MBP: variants seen among roughly 807,000 people sequenced by gnomAD.
MBP encodes Golli-MBP.
In MBP, 16 loss-of-function variants were observed where a neutral mutation model predicts 35.8. The ratio of observed to expected loss-of-function variants is 0.45; its 90% CI spans 0.30 to 0.68. The LOEUF (loss-of-function observed/expected upper bound fraction) is 0.68, where lower values mean the gene tolerates loss of function less well. Ranked by LOEUF, MBP falls within the 30% of genes least tolerant of loss-of-function variation. The probability of loss-of-function intolerance (pLI) is 0.08; values close to 1 mark genes in which losing one functional copy is unlikely to be tolerated. For synonymous variants in MBP, 143 were observed against 159.6 expected (o/e 0.90, Z 0.78); for missense variants, 380 against 404.7 (o/e 0.94, Z 0.52).
Position 76,988,595 on chromosome 18 carries a change from G to A in MBP, c.718-68C>T. On this transcript the variant is annotated intron_variant, in intron 6 of 8. Coordinates refer to ENST00000355994, the MANE Select transcript of MBP (RefSeq NM_001025101.2). This position sits in a 1 kb window ranked among gnomAD's most constrained non-coding sequence, Gnocchi z 5.2. The stretch of plus-strand genomic sequence containing the variant: ...AAGGGAAAGTCCTTTCAATCAACAG[G>A]AAACACAGTCAAAGCACAGTGGAGC... The A allele has an allele frequency of 6.4e-7, 1 of 1,569,926 alleles. No individual in the cohort carries two copies. The highest frequency in any genetic ancestry group is 8.6e-7 in the Non-Finnish European group (1 of 1,159,286).
intron 2 of MBP, among the ~76,000 whole-genome samples, chr18:77,073,782 G>T (rs1184632967): frequency 6.6e-6 from 1 of 152,210 alleles, no homozygotes; most frequent in Non-Finnish European, 1.5e-5. Flanking sequence ...TGTAAGAGGT[G>T]ACCTGCTGAA....
At position 77,066,299 on chromosome 18, in the gene MBP, G is replaced by C; in HGVS notation, c.138C>G (p.Phe46Leu). ...GTTGCCGATATCTGCGTCACCTACC[G>C]AACACTTCGTTGTCCTCTGAGGTTG... ...SRTTSEDNEV[F>L]GEADANQNNG... The change falls in exon 3 of 9, where the codon TTC (phenylalanine) becomes TTG (leucine). Residue 46 changes from phenylalanine (F) to leucine (L), a missense_variant and splice_region_variant. By Grantham distance (22) the Phe-to-Leu change is conservative. Transcript: ENST00000355994. 6.2e-7 allele frequency: 1 copy of C among 1,613,128 alleles called. No individual in the cohort carries two copies. Among genetic ancestry groups the C allele is most frequent in the South Asian group, 1.1e-5 (1 of 90,988 alleles).
At chr18:77,111,982 C>G (rs1345842060) in intron 1 of MBP, among the ~76,000 whole-genome samples, 1 of 152,158 alleles carries the variant, frequency 6.6e-6, no homozygotes, top group Non-Finnish European at 1.5e-5. Flanking sequence ...CTTTCTCTCT[C>G]CCCCGACGTC....
At chr18:77,104,505 C>T (rs1254183980) in intron 2 of MBP, among the ~76,000 whole-genome samples, 3 of 152,144 alleles carry the variant, frequency 2.0e-5, no homozygotes, top group Non-Finnish European at 2.9e-5. Context: ...CTCTGGGATT[C>T]AGTGTGAGTT....
At chr18:77,015,011 C>T in intron 4 of MBP, 1 of 984,486 alleles carries the variant, frequency 1.0e-6, no homozygotes, top group Non-Finnish European at 1.2e-6. Context: ...AAGAGATGGA[C>T]TATTTCTGAG....
chr18:77,106,535 A>G (rs908302676), intron 1 of MBP, among the ~76,000 whole-genome samples: 1 of 151,964 alleles, frequency 6.6e-6, no homozygotes, highest in African/African-American at 2.4e-5. Flanking sequence ...AACCCCACCC[A>G]CCTTCAGGGT....
intron 7 of MBP, chr18:76,985,692 A>G (rs1390000848): frequency 5.9e-5 from 61 of 1,033,964 alleles, no homozygotes; most frequent in Non-Finnish European, 5.6e-5. Flanking sequence ...GTCCCCTAGC[A>G]CCTTTCTAGC....
chr18:77,080,331 C>G (rs1208247434), intron 2 of MBP, among the ~76,000 whole-genome samples: 1 of 152,276 alleles, frequency 6.6e-6, no homozygotes, highest in East Asian at 1.9e-4. Flanking sequence ...AGAATCAGAA[C>G]AGGATGCGGA....
At chr18:77,059,443 AATT>A (rs1443733467) in intron 3 of MBP, among the ~76,000 whole-genome samples, 15 of 151,024 alleles carry the variant, frequency 9.9e-5, no homozygotes, top group Non-Finnish European at 1.5e-5. Context: ...AATGAATTTA[AATT>A]ATAATAATTT....
At chr18:77,090,244 G>A (rs1476968643) in intron 2 of MBP, among the ~76,000 whole-genome samples, 1 of 152,196 alleles carries the variant, frequency 6.6e-6, no homozygotes, top group South Asian at 2.1e-4. Context: ...TCAAAACAAA[G>A]TCGCAACTCT....
intron 2 of MBP, among the ~76,000 whole-genome samples, chr18:77,097,867 T>C (rs974811570): frequency 6.6e-6 from 1 of 152,152 alleles, no homozygotes; most frequent in African/African-American, 2.4e-5. Context: ...TTGGCGATAC[T>C]GAGTGGGAGA....
intron 4 of MBP, among the ~76,000 whole-genome samples, chr18:76,993,209 C>G (rs1417508685): frequency 4.6e-5 from 7 of 152,202 alleles, no homozygotes; most frequent in Non-Finnish European, 2.9e-5. Context: ...AAAAGTGAAG[C>G]AGACAAAATT....
chr18:77,085,998 G>A (rs1975216708), intron 2 of MBP, among the ~76,000 whole-genome samples: 1 of 148,046 alleles, frequency 6.8e-6, no homozygotes, highest in African/African-American at 2.4e-5. Flanking sequence ...GCAATAAGGA[G>A]AGAGAGAGTG....
intron 3 of MBP, among the ~76,000 whole-genome samples, chr18:77,041,951 A>G (rs978685578): frequency 8.6e-5 from 13 of 151,376 alleles, no homozygotes; most frequent in Admixed American, 3.9e-4. Flanking sequence ...AGAATGGTCC[A>G]TAAAAGACCT....
rs886701870 is a variant in MBP, at chr18:76,989,572, G to T, written c.681+384C>A. Among the ~76,000 whole-genome samples the T allele has an allele frequency of 6.6e-6, 1 of 152,066 alleles. No individual in the cohort carries two copies. The highest frequency in any genetic ancestry group is 2.4e-5 in the African/African-American group (1 of 41,386). The stretch of plus-strand genomic sequence containing the variant: ...GTCACCATGGCAGCCTCGACAGAGC[G>T]GTTTCGCTGCCCGAAAAATGCCCTA... On this transcript the variant is annotated intron_variant, in intron 5 of 8. Transcript: ENST00000355994. The surrounding 1 kb of genome is among the most constrained non-coding windows in gnomAD (Gnocchi z 4.0).
At chr18:77,016,053 T>C in intron 4 of MBP, 1 of 985,366 alleles carries the variant, frequency 1.0e-6, no homozygotes, top group East Asian at 1.1e-4. Context: ...GCAATCTGAA[T>C]GGCACTCAGG....
At chr18:77,064,639 A>C (rs1260420075) in intron 3 of MBP, among the ~76,000 whole-genome samples, 1 of 152,236 alleles carries the variant, frequency 6.6e-6, no homozygotes, top group Non-Finnish European at 1.5e-5. Context: ...AGGACTTTTG[A>C]AAAAGAGCAA....
chr18:77,027,167 A>C (rs1411386309), intron 3 of MBP, among the ~76,000 whole-genome samples: 1 of 152,116 alleles, frequency 6.6e-6, no homozygotes, highest in Non-Finnish European at 1.5e-5. Flanking sequence ...AAAACTCCCA[A>C]GTTTTTATTT....
chr18:77,004,976 G>A (rs895615896), intron 4 of MBP: 1 of 152,240 alleles, frequency 6.6e-6, no homozygotes, highest in Non-Finnish European at 1.5e-5. Context: ...GGTGATACAG[G>A]GGTCGGTATC....
Sources: allele counts gnomAD v4.1 joint callset (sites outside exome capture counted in the v4.1 genomes callset), GRCh38; gene constraint gnomAD v4.1.1; non-coding constraint Gnocchi (gnomAD v3.1); transcripts MANE v1.5; gene names NCBI Gene and HGNC (gene_info 2026-07-23, HGNC 2026-07-21).